Variants in HS2ST1 observed in about 807,000 individuals in gnomAD.
HS2ST1 encodes the protein 2-O-sulfotransferase.
A neutral mutation model predicts 42.9 loss-of-function variants in HS2ST1; 18 were observed. The ratio of observed to expected loss-of-function variants is 0.42; its 90% CI spans 0.29 to 0.62. The LOEUF is 0.62. Ranked by LOEUF, HS2ST1 falls within the 20% of genes least tolerant of loss-of-function variation. The pLI is 0.21. For missense variants in HS2ST1, 334 were observed against 433.8 expected, an observed-to-expected ratio of 0.77 and a Z score of 2.04; for synonymous variants, 146 against 152.9, an observed-to-expected ratio of 0.95 and a Z score of 0.33.
chr1:87,014,470 A>T (rs1226322146), intron 1 of HS2ST1, among the ~76,000 whole-genome samples: 2 of 152,230 alleles, frequency 1.3e-5, no homozygotes, highest in African/African-American at 4.8e-5. Context: ...TGGGAGCTGC[A>T]ATTTGAGATG....
chr1:86,940,589 T>C (rs571128722), intron 1 of HS2ST1, among the ~76,000 whole-genome samples: 1 of 152,232 alleles, frequency 6.6e-6, no homozygotes, highest in Non-Finnish European at 1.5e-5. Context: ...CAGAATAATT[T>C]ATGTCACCTG....
chr1:87,098,170 T>C, intron 5 of HS2ST1: 3 of 1,143,588 alleles, frequency 2.6e-6, no homozygotes, highest in Non-Finnish European at 3.2e-6. Context: ...TTTTTAGTAT[T>C]TCTTATTTTT....
At chr1:87,061,361 C>T (rs1488845179) in intron 1 of HS2ST1, among the ~76,000 whole-genome samples, 7 of 151,966 alleles carry the variant, frequency 4.6e-5, no homozygotes, top group Admixed American at 3.3e-4. Flanking sequence ...AACATTACTC[C>T]AAAGGAAACC....
chr1:86,925,504 A>G (rs772465204), intron 1 of HS2ST1, among the ~76,000 whole-genome samples: 1 of 152,210 alleles, frequency 6.6e-6, no homozygotes, highest in Non-Finnish European at 1.5e-5. Flanking sequence ...GGCTGGGGAA[A>G]CCTCACAATC....
intron 1 of HS2ST1, among the ~76,000 whole-genome samples, chr1:86,938,697 G>A (rs1016819383): frequency 2.6e-5 from 4 of 152,128 alleles, no homozygotes; most frequent in Admixed American, 6.5e-5. Context: ...GTCATTCACC[G>A]TGGCACAGTT....
At chr1:86,939,415 A>G (rs1359137067) in intron 1 of HS2ST1, among the ~76,000 whole-genome samples, 2 of 152,212 alleles carry the variant, frequency 1.3e-5, no homozygotes, top group African/African-American at 2.4e-5. Context: ...CTTAGCAAAA[A>G]ATTACTGTTT....
intron 1 of HS2ST1, among the ~76,000 whole-genome samples, chr1:86,918,931 TTATC>T (rs1453017538): frequency 6.6e-6 from 1 of 150,996 alleles, no homozygotes; most frequent in Admixed American, 6.6e-5. Flanking sequence ...TAGTAATCCT[TTATC>T]TATCCTATGT....
chr1:87,065,486 T>C (rs867661416), intron 1 of HS2ST1, among the ~76,000 whole-genome samples: 1 of 152,228 alleles, frequency 6.6e-6, no homozygotes, highest in Non-Finnish European at 1.5e-5. Context: ...TCTGCATACT[T>C]ACCAGTGTCT....
chr1:86,980,445 A>G (rs11579734), intron 1 of HS2ST1, among the ~76,000 whole-genome samples: 17,195 of 152,158 alleles, frequency 0.11, 1,049 homozygotes, highest in African/African-American at 0.14. Flanking sequence ...AATGCTAACA[A>G]TGGTTCTAGG....
At chr1:87,045,104 C>G in intron 1 of HS2ST1, 1 of 931,490 alleles carries the variant, frequency 1.1e-6, no homozygotes, top group Non-Finnish European at 1.8e-6. Flanking sequence ...CATCATCTTG[C>G]TCTTGAGCTG....
chr1:87,003,734 C>A (rs1318866347), intron 1 of HS2ST1, among the ~76,000 whole-genome samples: 2 of 151,900 alleles, frequency 1.3e-5, no homozygotes, highest in African/African-American at 4.8e-5. Context: ...TCATTATTCC[C>A]TGAACAATAC....
chr1:87,043,649 G>A (rs1057503758), intron 1 of HS2ST1, among the ~76,000 whole-genome samples: 3 of 152,038 alleles, frequency 2.0e-5, no homozygotes, highest in Non-Finnish European at 2.9e-5. Flanking sequence ...AAGTGTGGTT[G>A]TTTGGAACCG....
At chr1:87,078,460 C>T (rs1286278364) in intron 2 of HS2ST1, among the ~76,000 whole-genome samples, 2 of 152,224 alleles carry the variant, frequency 1.3e-5, no homozygotes, top group African/African-American at 4.8e-5. Context: ...CACTCTGCTT[C>T]AGGCTAGCTG....
At chr1:86,918,989 TA>T (rs1288919760) in intron 1 of HS2ST1, among the ~76,000 whole-genome samples, 16 of 151,678 alleles carry the variant, frequency 1.1e-4, no homozygotes, top group East Asian at 3.9e-4. Context: ...TTTATTTATT[TA>T]TTTTTTTGAG....
At chr1:86,989,342 T>C (rs775941129) in intron 1 of HS2ST1, among the ~76,000 whole-genome samples, 18 of 152,250 alleles carry the variant, frequency 1.2e-4, no homozygotes, top group Non-Finnish European at 2.6e-4. Flanking sequence ...CCTGAGGGCT[T>C]ACCTTCTATT....
intron 1 of HS2ST1, among the ~76,000 whole-genome samples, chr1:86,964,329 G>T (rs557888539): frequency 2.0e-5 from 3 of 152,222 alleles, no homozygotes; most frequent in Non-Finnish European, 4.4e-5. Flanking sequence ...TCACGCCACC[G>T]CACTCCAGCC....
intron 1 of HS2ST1, among the ~76,000 whole-genome samples, chr1:86,965,408 T>C (rs1401623334): frequency 6.6e-6 from 1 of 152,156 alleles, no homozygotes; most frequent in African/African-American, 2.4e-5. Context: ...TTATTTTTTC[T>C]TTTGTGGCCT....
chr1:87,077,042 T>C (rs978343404), intron 2 of HS2ST1, among the ~76,000 whole-genome samples: 8 of 152,228 alleles, frequency 5.3e-5, no homozygotes, highest in Non-Finnish European at 1.0e-4. Flanking sequence ...CTGGTTAAAA[T>C]GCAGATTCAG....
intron 1 of HS2ST1, among the ~76,000 whole-genome samples, chr1:86,965,885 C>G (rs946574548): frequency 1.6e-4 from 24 of 152,180 alleles, no homozygotes; most frequent in African/African-American, 4.8e-4. Context: ...GATCTAAGGT[C>G]TTTGTAGTGT....
Sources: gnomAD v4.1 joint callset for allele counts (sites outside exome capture counted in the v4.1 genomes callset) on GRCh38, gnomAD v4.1.1 for gene constraint, MANE v1.5 for transcripts, NCBI Gene and HGNC (gene_info 2026-07-23, HGNC 2026-07-21) for gene names.